MXI1: variants seen among roughly 807,000 people sequenced by gnomAD.
The protein encoded by MXI1 is MAX interactor 1, dimerization protein.
MXI1 carries 18 observed loss-of-function variants against 36.9 expected under a neutral mutation model. The ratio of observed to expected loss-of-function variants is 0.49; its 90% CI spans 0.34 to 0.72. The LOEUF (loss-of-function observed/expected upper bound fraction) is 0.72, where lower values mean the gene tolerates loss of function less well. MXI1 is among the 30% of genes least tolerant of loss of function. MXI1 has a pLI of 0.01. For missense variants in MXI1, 304 were observed against 379.1 expected (o/e 0.80, Z 1.64); for synonymous variants, 160 against 146.7 (o/e 1.09, Z -0.65).
chr10:110,212,179 G>T (rs1356723805), intron 1 of MXI1, among the ~76,000 whole-genome samples: 1 of 152,186 alleles, frequency 6.6e-6, no homozygotes, highest in Admixed American at 6.5e-5. Context: ...TCAGATGAGA[G>T]TAGAAAGCCA....
At chr10:110,280,166 T>A (rs1348580366) in intron 5 of MXI1, 81 bp downstream of exon 5, 1 of 1,239,100 alleles carries the variant, frequency 8.1e-7, no homozygotes, top group Non-Finnish European at 1.1e-6. Context: ...GGAGGCACTG[T>A]ATTTGCTTTC....
chr10:110,264,289 T>C (rs1856614724), intron 3 of MXI1, among the ~76,000 whole-genome samples: 1 of 152,192 alleles, frequency 6.6e-6, no homozygotes, highest in African/African-American at 2.4e-5. Context: ...GTATTGGGCA[T>C]TGTATTAGAA....
intron 1 of MXI1, among the ~76,000 whole-genome samples, chr10:110,223,418 C>T (rs970994916): frequency 6.6e-6 from 1 of 151,630 alleles, no homozygotes; most frequent in African/African-American, 2.4e-5. Context: ...CCTGTCTCTA[C>T]GAAAATCAAA....
chr10:110,228,694 A>G (rs906073230), intron 2 of MXI1, among the ~76,000 whole-genome samples: 1 of 152,158 alleles, frequency 6.6e-6, no homozygotes. Flanking sequence ...TAGGTCTGGC[A>G]GGGTATAAAG....
intron 2 of MXI1, among the ~76,000 whole-genome samples, chr10:110,240,335 T>G (rs1258022276): frequency 2.0e-5 from 3 of 152,032 alleles, no homozygotes; most frequent in Non-Finnish European, 4.4e-5. Flanking sequence ...ATATGTAAGT[T>G]TTAAGGAAAA....
chr10:110,210,734 C>A (rs922815079), intron 1 of MXI1, among the ~76,000 whole-genome samples: 1 of 152,228 alleles, frequency 6.6e-6, no homozygotes, highest in Non-Finnish European at 1.5e-5. Flanking sequence ...CGCTTCTTCG[C>A]GCTGGCGGCG....
At chr10:110,264,662 T>G (rs1856629906) in intron 3 of MXI1, among the ~76,000 whole-genome samples, 1 of 152,144 alleles carries the variant, frequency 6.6e-6, no homozygotes. Flanking sequence ...TCCTAGTAAT[T>G]GATTTTTAAA....
chr10:110,257,154 A>G (rs958975987), intron 3 of MXI1: 4 of 152,256 alleles, frequency 2.6e-5, no homozygotes, highest in African/African-American at 9.6e-5. Flanking sequence ...GGCCACAGAC[A>G]TGCGATTCTA....
chr10:110,260,872 C>A, intron 3 of MXI1: 2 of 328,874 alleles, frequency 6.1e-6, no homozygotes, highest in Non-Finnish European at 8.7e-6. Flanking sequence ...TGTAGTTAAT[C>A]TGGTAAGCAT....
intron 3 of MXI1, chr10:110,257,769 A>G (rs1030612120): frequency 3.3e-5 from 10 of 299,330 alleles, no homozygotes; most frequent in African/African-American, 2.0e-4. Context: ...TGCTCTATCC[A>G]GAGACGCGTA....
At chr10:110,215,904 G>C (rs1590325576) in intron 1 of MXI1, among the ~76,000 whole-genome samples, 2 of 152,088 alleles carry the variant, frequency 1.3e-5, no homozygotes, top group African/African-American at 2.4e-5. Context: ...GGATGGAAGG[G>C]AACGGGAGAG....
chr10:110,234,976 G>A lies in MXI1; in HGVS notation c.407+6655G>A, dbSNP rs552170878. Among the ~76,000 whole-genome samples the A allele has an allele frequency of 2.4e-4, 36 of 152,240 alleles. No homozygotes were observed. The South Asian group carries it at 3.7e-3, about 16-fold the overall frequency. ...TTAACATTTTATAAAGGTAATATAT[G>A]TATATAGTTTAAAAAGTCAATTAAT... On this transcript the variant is annotated intron_variant, in intron 2 of 5. Coordinates refer to ENST00000332674, the MANE Select transcript of MXI1 (RefSeq NM_130439.3).
At chr10:110,255,120 A>T (rs556314799) in intron 3 of MXI1, among the ~76,000 whole-genome samples, 1 of 152,174 alleles carries the variant, frequency 6.6e-6, no homozygotes, top group Non-Finnish European at 1.5e-5. Flanking sequence ...TGATGGGCTG[A>T]TGTAGCTGGT....
At chr10:110,221,150 A>G (rs1036372036) in intron 1 of MXI1, among the ~76,000 whole-genome samples, 5 of 152,210 alleles carry the variant, frequency 3.3e-5, no homozygotes, top group Admixed American at 3.3e-4. Flanking sequence ...AACAGAAAAA[A>G]ACAGCATTTG....
intron 1 of MXI1, chr10:110,227,199 G>A: frequency 4.6e-6 from 2 of 434,628 alleles, no homozygotes; most frequent in Non-Finnish European, 5.8e-6. Context: ...GGGGAGGGTC[G>A]CGCGTGTGTG....
intron 1 of MXI1, among the ~76,000 whole-genome samples, chr10:110,210,616 C>T (rs914025960): frequency 1.1e-4 from 16 of 152,200 alleles, no homozygotes; most frequent in Admixed American, 1.0e-3. Context: ...GAGAAGCGGT[C>T]CACGGGGGCC....
intron 1 of MXI1, chr10:110,225,951 C>A: frequency 1.1e-6 from 1 of 907,842 alleles, no homozygotes; most frequent in South Asian, 5.1e-5. Flanking sequence ...AGGGGGCGGG[C>A]CCCGGCGCTG....
At chr10:110,267,804 A>G (rs1394798817) in intron 3 of MXI1, among the ~76,000 whole-genome samples, 2 of 152,182 alleles carry the variant, frequency 1.3e-5, no homozygotes, top group African/African-American at 4.8e-5. Flanking sequence ...GGTCAGATGA[A>G]TGAGGGAGCA....
Position 110,285,154 on chromosome 10 carries a change from C to G in MXI1, c.*167C>G, listed in dbSNP as rs747147019. ...CAGAGGACCTGTATTTAAGCAAATA[C>G]TTAGCAAAAAGTGGGGCAGAGCCTC... On this transcript the variant is annotated 3_prime_UTR_variant, in exon 6 of 6. Coordinates refer to ENST00000332674, the MANE Select transcript of MXI1 (RefSeq NM_130439.3). 2.6e-5 allele frequency: 15 copies of G among 572,552 alleles called. No individual in the cohort carries two copies. The highest frequency in any genetic ancestry group is 2.7e-5 in the Non-Finnish European group (10 of 373,616). The allele number at this position is 572,552 out of a possible 1,614,324, so 35.5% of individuals were successfully genotyped here.
Sources: allele counts gnomAD v4.1 joint callset (sites outside exome capture counted in the v4.1 genomes callset), GRCh38; gene constraint gnomAD v4.1.1; transcripts MANE v1.5; gene names NCBI Gene and HGNC (gene_info 2026-07-23, HGNC 2026-07-21).